TSC1: variants seen among roughly 807,000 people sequenced by gnomAD.
The protein encoded by TSC1 is TSC complex subunit 1, also known as hamartin.
In TSC1, 20 loss-of-function variants were observed where a neutral mutation model predicts 124.3. That is an observed-to-expected ratio of 0.16 (90% CI 0.11 to 0.23). The LOEUF is 0.23. Ranked by LOEUF, TSC1 falls within the 10% of genes least tolerant of loss-of-function variation. TSC1 has a pLI of 1.00. For synonymous variants in TSC1, 493 were observed against 539.1 expected, an observed-to-expected ratio of 0.91 and a Z score of 1.19; for missense variants, 1,124 against 1,448.5, an observed-to-expected ratio of 0.78 and a Z score of 3.64.
upstream of TSC1, among the ~76,000 whole-genome samples, chr9:132,945,020 A>G (rs1223726617): frequency 2.0e-5 from 3 of 151,382 alleles, no homozygotes; most frequent in African/African-American, 7.3e-5. Context: ...GTGTGGTTGG[A>G]GCGCCCTGCC....
intron 1 of TSC1, chr9:132,941,181 C>T (rs972696610): frequency 1.3e-5 from 2 of 152,068 alleles, no homozygotes; most frequent in Admixed American, 6.5e-5. Context: ...TTCATTCAAC[C>T]GTAAAAAGTA....
chr9:132,940,550 G>C (rs1847680051), intron 1 of TSC1, among the ~76,000 whole-genome samples: 1 of 152,178 alleles, frequency 6.6e-6, no homozygotes, highest in Non-Finnish European at 1.5e-5. Context: ...GTTTATCACA[G>C]TGGAAGACTA....
chr9:132,910,499 G>T, intron 12 of TSC1, 72 bp downstream of exon 12: 1 of 1,612,212 alleles, frequency 6.2e-7, no homozygotes, highest in African/African-American at 1.3e-5. Flanking sequence ...GCATAATTAG[G>T]CTTCTCAAAG....
intron 15 of TSC1, among the ~76,000 whole-genome samples, chr9:132,905,093 G>C (rs1469951378): frequency 6.6e-6 from 1 of 152,168 alleles, no homozygotes; most frequent in African/African-American, 2.4e-5. Flanking sequence ...GGGTGCCTCA[G>C]GGGGTCTGGA....
At position 132,927,281 on chromosome 9, in the gene TSC1, T is replaced by A. The variant is rs1399266964; in HGVS notation, c.130A>T (p.Thr44Ser). 3.7e-6 allele frequency: 6 copies of A among 1,613,944 alleles called. No homozygotes were observed. The highest frequency in any genetic ancestry group is 5.1e-6 in the Non-Finnish European group (6 of 1,179,918). ...GTTTCCAGGTAATAATCCACCAAGG[T>A]GTTTACAAGCATAGGGCCACGGTCT... Reference protein sequence around the residue: ...NSDRGPMLVNTLVDYYLETSS... With the variant: ...NSDRGPMLVNSLVDYYLETSS... The change falls in exon 4 of 23, where the codon ACC (threonine) becomes TCC (serine). Residue 44 changes from threonine to serine, a missense_variant. Around this residue, in one of 5 missense-constraint regions of TSC1, gnomAD observed 463 missense variants for 606.8 expected, o/e 0.76. Transcript: ENST00000298552.
Position 132,896,455 on chromosome 9 carries a change from G to C in TSC1, c.3275C>G (p.Ala1092Gly), listed in dbSNP as rs1845051123. The stretch of plus-strand genomic sequence containing the variant: ...GCTCTTATTACGAAATAACTCTCGA[G>C]CCTTCATACCCAGGAAGCTTTTTGA... ...PSSKSFLGMK[A>G]RELFRNKSES... The change falls in exon 23 of 23, where the codon GCT becomes GGT. Residue 1092 changes from alanine to glycine, a missense_variant. Ala to Gly is a moderately conservative substitution (Grantham distance 60). Transcript: ENST00000298552. This position sits in a 1 kb window ranked among gnomAD's most constrained non-coding sequence, Gnocchi z 4.5. The C allele has an allele frequency of 1.2e-6, 2 of 1,614,216 alleles. No individual in the cohort carries two copies. Among genetic ancestry groups the C allele is most frequent in the Non-Finnish European group, 1.7e-6 (2 of 1,180,042 alleles).
intron 8 of TSC1, among the ~76,000 whole-genome samples, chr9:132,916,586 A>G (rs1201281546): frequency 1.3e-5 from 2 of 152,264 alleles, no homozygotes; most frequent in Non-Finnish European, 2.9e-5. Context: ...GCCACAGAGT[A>G]TACTATGATA....
intron 2 of TSC1, 27 bp from the exon 3 acceptor site, chr9:132,928,979 C>T: frequency 6.5e-7 from 1 of 1,547,112 alleles, no homozygotes. Flanking sequence ...TGAACAGTCA[C>T]TAAATGGCCC....
At chr9:132,918,784 A>G (rs1338047828) in intron 8 of TSC1, among the ~76,000 whole-genome samples, 1 of 152,206 alleles carries the variant, frequency 6.6e-6, no homozygotes, top group Non-Finnish European at 1.5e-5. Context: ...TTCAACATAC[A>G]ACAAAGCTCA....
At position 132,896,738 on chromosome 9, in the gene TSC1, C is replaced by G; in HGVS notation, c.2992G>C (p.Asp998His). ...CCTACCATGGAATCTGAGCACCCGT[C>G]ATTACAACAGTCAAGCCTGTAAGAA... ...AAEERLDCCN[D>H]GCSDSMVGHN... The change falls in exon 23 of 23, where the codon GAC (aspartate) becomes CAC (histidine). Residue 998 changes from aspartate (D) to histidine (H), a missense_variant. This residue lies in a region of TSC1 where 325 missense variants were observed against 383.4 expected (regional missense o/e 0.85). Coordinates refer to ENST00000298552, the MANE Select transcript of TSC1 (RefSeq NM_000368.5). This position sits in a 1 kb window ranked among gnomAD's most constrained non-coding sequence, Gnocchi z 4.5. The G allele has an allele frequency of 1.2e-6, 2 of 1,613,644 alleles. No homozygotes were observed. The highest frequency in any genetic ancestry group is 2.2e-5 in the South Asian group (2 of 91,066).
intron 12 of TSC1, among the ~76,000 whole-genome samples, chr9:132,907,723 C>G (rs1203749091): frequency 5.9e-5 from 9 of 152,206 alleles, no homozygotes; most frequent in Non-Finnish European, 8.8e-5. Flanking sequence ...CTCCCAACCT[C>G]AGATGATCTG....
chr9:132,918,797 G>T (rs375349377), intron 8 of TSC1, among the ~76,000 whole-genome samples: 2 of 152,232 alleles, frequency 1.3e-5, no homozygotes, highest in South Asian at 4.2e-4. Context: ...AAAGCTCAAA[G>T]TCAACAAGTC....
intron 4 of TSC1, chr9:132,926,494 C>T (rs141883034): frequency 0.012 from 1,800 of 154,498 alleles, 23 homozygotes; most frequent in Admixed American, 0.019. Context: ...TGAAGGAGCC[C>T]TCCAAGTGCC....
At position 132,905,749 on chromosome 9, in the gene TSC1, A is replaced by T. The variant is rs1845619064; in HGVS notation, c.1829T>A (p.Val610Glu). The stretch of plus-strand genomic sequence containing the variant: ...ATGATGGGCTGTCTTTGGCAATGCC[A>T]CCTCAAAAAGATGATCATACGGGGG... The part of the protein sequence containing the change: ...QPPPYDHLFE[V>E]ALPKTAHHFV... The change falls in exon 15 of 23, where the codon GTG becomes GAG. Residue 610 changes from valine (V) to glutamate (E), a missense_variant. Val to Glu is a moderately radical substitution (Grantham distance 121, BLOSUM62 -2). This residue lies in a region of TSC1 where 321 missense variants were observed against 397.4 expected (regional missense o/e 0.81). Coordinates refer to ENST00000298552, the MANE Select transcript of TSC1 (RefSeq NM_000368.5). 6.2e-7 allele frequency: 1 copy of T among 1,614,138 alleles called. No homozygotes were observed. Among genetic ancestry groups the T allele is most frequent in the Non-Finnish European group, 8.5e-7 (1 of 1,180,010 alleles).
At chr9:132,926,441 A>G (rs1214447254) in intron 4 of TSC1, 1 of 154,924 alleles carries the variant, frequency 6.5e-6, no homozygotes, top group Non-Finnish European at 1.4e-5. Context: ...AGTCTGCAAT[A>G]ACAATGCTTT....
intron 19 of TSC1, 106 bp from the exon 20 acceptor site, chr9:132,900,943 G>A: frequency 6.5e-7 from 1 of 1,547,750 alleles, no homozygotes; most frequent in Non-Finnish European, 8.8e-7. Context: ...CAATGTTAAG[G>A]CAAAATAAAC....
chr9:132,930,208 A>G (rs1174582980), intron 2 of TSC1, among the ~76,000 whole-genome samples: 1 of 152,232 alleles, frequency 6.6e-6, no homozygotes, highest in Non-Finnish European at 1.5e-5. Context: ...TAAGCACTCC[A>G]GGTAATTCTT....
At chr9:132,919,624 C>G (rs1846441619) in intron 8 of TSC1, among the ~76,000 whole-genome samples, 1 of 152,134 alleles carries the variant, frequency 6.6e-6, no homozygotes, top group Non-Finnish European at 1.5e-5. Flanking sequence ...CAAAAAGCTC[C>G]TAGAGGCTAT....
chr9:132,919,567 ACT>A (rs1846438163), intron 8 of TSC1, among the ~76,000 whole-genome samples: 1 of 152,040 alleles, frequency 6.6e-6, no homozygotes, highest in Non-Finnish European at 1.5e-5. Flanking sequence ...CAAATTACCG[ACT>A]CTCAACCTGT....
Sources: allele counts gnomAD v4.1 joint callset (sites outside exome capture counted in the v4.1 genomes callset), GRCh38; gene constraint gnomAD v4.1.1; regional missense constraint gnomAD v4.1.1; non-coding constraint Gnocchi (gnomAD v3.1); transcripts MANE v1.5; gene names NCBI Gene and HGNC (gene_info 2026-07-23, HGNC 2026-07-21).